The following CTNND2 variants were observed in gnomAD, a reference collection of about 807,000 sequenced individuals.
The protein encoded by CTNND2 is catenin delta-2.
A neutral mutation model predicts 144.4 loss-of-function variants in CTNND2; 22 were observed. The ratio of observed to expected loss-of-function variants is 0.15; its 90% CI spans 0.11 to 0.22. The LOEUF (loss-of-function observed/expected upper bound fraction) is 0.22. CTNND2 is among the 10% of genes least tolerant of loss of function. CTNND2 has a pLI of 1.00. For synonymous variants in CTNND2, 751 were observed against 695.6 expected (o/e 1.08, Z -1.25); for missense variants, 1,353 against 1,618.8 (o/e 0.84, Z 2.82).
chr5:11,764,955 C>T (rs1789493363), intron 1 of CTNND2, among the ~76,000 whole-genome samples: 1 of 152,114 alleles, frequency 6.6e-6, no homozygotes, highest in African/African-American at 2.4e-5. Flanking sequence ...ACTCAGACTG[C>T]AAATTTATCA....
chr5:11,206,243 G>A (rs981479930), intron 10 of CTNND2, among the ~76,000 whole-genome samples: 2 of 152,130 alleles, frequency 1.3e-5, no homozygotes, highest in Non-Finnish European at 2.9e-5. Flanking sequence ...ACTGTGAGAC[G>A]AGCAGTGAAG....
At chr5:11,492,071 C>A (rs1456281065) in intron 3 of CTNND2, among the ~76,000 whole-genome samples, 1 of 152,138 alleles carries the variant, frequency 6.6e-6, no homozygotes, top group Non-Finnish European at 1.5e-5. Flanking sequence ...GAGATGGAAA[C>A]CGGGTATAGC....
chr5:11,144,900 A>G (rs192564289), intron 12 of CTNND2, among the ~76,000 whole-genome samples: 51 of 152,174 alleles, frequency 3.4e-4, no homozygotes, highest in East Asian at 1.2e-3. Context: ...ATCGTTCCCA[A>G]CAGCTCCCAA....
At chr5:11,240,982 C>T (rs556362794) in intron 9 of CTNND2, among the ~76,000 whole-genome samples, 36 of 147,986 alleles carry the variant, frequency 2.4e-4, no homozygotes, top group African/African-American at 9.0e-4. Context: ...CCACATCATG[C>T]ACACACACCC....
At chr5:11,349,961 C>A (rs1220430512) in intron 8 of CTNND2, among the ~76,000 whole-genome samples, 4 of 152,132 alleles carry the variant, frequency 2.6e-5, no homozygotes, top group Non-Finnish European at 5.9e-5. Context: ...TGTGGTGAAA[C>A]CCCATCTCTA....
At chr5:11,552,061 C>T (rs1016302282) in intron 3 of CTNND2, among the ~76,000 whole-genome samples, 1 of 152,140 alleles carries the variant, frequency 6.6e-6, no homozygotes, top group African/African-American at 2.4e-5. Context: ...AGCCACCTTG[C>T]CCTGCTGCCT....
intron 2 of CTNND2, among the ~76,000 whole-genome samples, chr5:11,697,014 TA>T (rs34794705): frequency 0.13 from 20,132 of 152,198 alleles, 4,440 homozygotes; most frequent in African/African-American, 0.46. Flanking sequence ...AAAATGTCCA[TA>T]AATAAAAGGT....
chr5:11,870,691 A>G (rs1157883872), intron 1 of CTNND2, among the ~76,000 whole-genome samples: 1 of 152,188 alleles, frequency 6.6e-6, no homozygotes, highest in Non-Finnish European at 1.5e-5. Context: ...TGCTGTTGCT[A>G]CCATTCTGCT....
chr5:11,420,558 TC>T (rs1234820386), intron 3 of CTNND2, among the ~76,000 whole-genome samples: 1 of 152,120 alleles, frequency 6.6e-6, no homozygotes, highest in East Asian at 1.9e-4. Context: ...TGAAGAGTGA[TC>T]CCCCACTGAG....
intron 2 of CTNND2, among the ~76,000 whole-genome samples, chr5:11,691,105 C>T (rs1581727168): frequency 6.6e-6 from 1 of 152,260 alleles, no homozygotes; most frequent in Middle Eastern, 3.4e-3. Context: ...GGCGCGGTGG[C>T]TCACACCTGT....
At chr5:11,155,571 C>T (rs748170093) in intron 12 of CTNND2, among the ~76,000 whole-genome samples, 5 of 152,196 alleles carry the variant, frequency 3.3e-5, no homozygotes, top group Admixed American at 6.5e-5. Flanking sequence ...GAAGAGGTAG[C>T]GGAGGCAGAG....
chr5:11,282,589 G>T (rs1183662348), intron 9 of CTNND2, among the ~76,000 whole-genome samples: 1 of 152,170 alleles, frequency 6.6e-6, no homozygotes, highest in Non-Finnish European at 1.5e-5. Flanking sequence ...CACTGTTAGG[G>T]AACGACTGTT....
intron 2 of CTNND2, among the ~76,000 whole-genome samples, chr5:11,604,900 AATTT>A (rs760007876): frequency 6.6e-6 from 1 of 152,188 alleles, no homozygotes; most frequent in Non-Finnish European, 1.5e-5. Context: ...ACATTTGTGC[AATTT>A]ATTTATCTGT....
intron 3 of CTNND2, among the ~76,000 whole-genome samples, chr5:11,427,083 C>G (rs1280740435): frequency 1.3e-5 from 2 of 152,118 alleles, no homozygotes; most frequent in African/African-American, 4.8e-5. Flanking sequence ...GCATTTGAAT[C>G]TGCAATAGCA....
intron 11 of CTNND2, among the ~76,000 whole-genome samples, chr5:11,181,427 G>T (rs559495284): frequency 5.3e-4 from 81 of 152,262 alleles, no homozygotes; most frequent in African/African-American, 1.6e-3. Context: ...CAGGTGAGAT[G>T]GCGACAACCA....
chr5:11,897,087 T>C (rs1224177279), intron 1 of CTNND2, among the ~76,000 whole-genome samples: 1 of 152,180 alleles, frequency 6.6e-6, no homozygotes, highest in African/African-American at 2.4e-5. Context: ...GGATTCTTCT[T>C]CCTTATTTGG....
At chr5:11,070,643 T>C (rs979006161) in intron 16 of CTNND2, among the ~76,000 whole-genome samples, 10 of 152,084 alleles carry the variant, frequency 6.6e-5, no homozygotes, top group African/African-American at 2.4e-4. Flanking sequence ...TGACTTCTCA[T>C]CAAAAGCAAT....
intron 11 of CTNND2, among the ~76,000 whole-genome samples, chr5:11,189,633 T>G (rs1199464335): frequency 1.6e-4 from 25 of 152,222 alleles, no homozygotes; most frequent in Non-Finnish European, 1.0e-4. Flanking sequence ...TAAATTGACT[T>G]TTTATGTTAC....
chr5:11,851,964 T>C (rs1324369997), intron 1 of CTNND2, among the ~76,000 whole-genome samples: 3 of 152,226 alleles, frequency 2.0e-5, no homozygotes, highest in African/African-American at 7.2e-5. Context: ...TACATTCTCC[T>C]CCTACCTCAA....
Sources: gnomAD v4.1 joint callset for allele counts (sites outside exome capture counted in the v4.1 genomes callset) on GRCh38, gnomAD v4.1.1 for gene constraint, MANE v1.5 for transcripts, NCBI Gene and HGNC (gene_info 2026-07-23, HGNC 2026-07-21) for gene names.